The following HECTD4 variants were observed in gnomAD, a reference collection of about 807,000 sequenced individuals.
HECTD4 encodes probable E3 ubiquitin-protein ligase HECTD4.
HECTD4 carries 114 observed loss-of-function variants against 471.5 expected under a neutral mutation model. The ratio of observed to expected loss-of-function variants is 0.24; its 90% confidence interval spans 0.21 to 0.28. HECTD4 has a LOEUF of 0.28. Among genes scored for constraint, HECTD4 ranks in the 10% least tolerant of loss-of-function variants. HECTD4 has a pLI of 1.00. For missense variants in HECTD4, 3,866 were observed against 5,651.5 expected (o/e 0.68, Z 10.13); for synonymous variants, 2,012 against 2,256.0 (o/e 0.89, Z 3.07).
At chr12:112,329,568 A>G (rs375376942) in intron 1 of HECTD4, among the ~76,000 whole-genome samples, 2 of 152,080 alleles carry the variant, frequency 1.3e-5, no homozygotes, top group East Asian at 3.9e-4. Flanking sequence ...GGGTTTCGCC[A>G]TGATGGCCAG....
At chr12:112,222,622 G>A (rs747901898) in intron 44 of HECTD4, among the ~76,000 whole-genome samples, 7 of 152,248 alleles carry the variant, frequency 4.6e-5, no homozygotes, top group East Asian at 1.9e-4. Flanking sequence ...AGCTAAGATC[G>A]TGCCACCGCA....
chr12:112,309,457 T>C (rs1352114202), intron 5 of HECTD4, 104 bp downstream of exon 5: 2 of 553,584 alleles, frequency 3.6e-6, no homozygotes, highest in African/African-American at 3.9e-5. Flanking sequence ...ATTTAGTTAC[T>C]AGTCTATGGG....
chr12:112,362,053 C>T (rs2036460197), intron 1 of HECTD4, among the ~76,000 whole-genome samples: 1 of 152,134 alleles, frequency 6.6e-6, no homozygotes, highest in Non-Finnish European at 1.5e-5. Context: ...TATAGGTTCC[C>T]AATTACAATG....
At chr12:112,372,399 A>G (rs956169987) in intron 1 of HECTD4, among the ~76,000 whole-genome samples, 2 of 152,030 alleles carry the variant, frequency 1.3e-5, no homozygotes, top group Non-Finnish European at 2.9e-5. Context: ...AGCTGGGACT[A>G]CAGGTGCCCG....
At chr12:112,256,297 A>G (rs761737412) in intron 21 of HECTD4, 23 bp downstream of exon 21, 7 of 1,513,984 alleles carry the variant, frequency 4.6e-6, no homozygotes, top group Non-Finnish European at 6.2e-6. Context: ...GGTGGAACCA[A>G]TAGTAACCCA....
intron 10 of HECTD4, among the ~76,000 whole-genome samples, chr12:112,274,625 T>C (rs1409596980): frequency 2.6e-5 from 4 of 152,184 alleles, no homozygotes; most frequent in African/African-American, 9.7e-5. Flanking sequence ...GAGGACTGCT[T>C]GAGCCCAGGA....
intron 1 of HECTD4, among the ~76,000 whole-genome samples, chr12:112,371,685 G>T (rs1379264895): frequency 1.3e-5 from 2 of 151,650 alleles, no homozygotes; most frequent in African/African-American, 4.8e-5. Context: ...TCAGGAGTTC[G>T]AGACCAGCCT....
chr12:112,302,466 T>C, intron 7 of HECTD4: 1 of 749,480 alleles, frequency 1.3e-6, no homozygotes, highest in South Asian at 1.4e-5. Flanking sequence ...TTATAGAGGA[T>C]GGCTCTCTGC....
chr12:112,217,869 T>C (rs1240248896), intron 45 of HECTD4, among the ~76,000 whole-genome samples: 3 of 152,240 alleles, frequency 2.0e-5, no homozygotes, highest in Non-Finnish European at 4.4e-5. Flanking sequence ...TGGTGACACT[T>C]CCTTTTTCTT....
chr12:112,294,313 G>A (rs1248739744), intron 7 of HECTD4, among the ~76,000 whole-genome samples: 1 of 152,100 alleles, frequency 6.6e-6, no homozygotes, highest in East Asian at 1.9e-4. Context: ...TATTTAGAAA[G>A]CAAGATTAAT....
intron 29 of HECTD4, 74 bp from the exon 30 acceptor site, chr12:112,244,083 C>A: frequency 1.4e-6 from 2 of 1,466,710 alleles, no homozygotes; most frequent in South Asian, 1.2e-5. Flanking sequence ...CAGAACTACC[C>A]AACAGTCTAA....
chr12:112,247,608 T>C (rs2033790495), intron 27 of HECTD4, 58 bp from the exon 28 acceptor site: 2 of 737,564 alleles, frequency 2.7e-6, no homozygotes, highest in South Asian at 2.7e-5. Context: ...ACTATACATA[T>C]ATTAAAATGA....
intron 13 of HECTD4, among the ~76,000 whole-genome samples, chr12:112,269,181 G>T (rs1468687344): frequency 6.6e-6 from 1 of 152,114 alleles, no homozygotes; most frequent in Non-Finnish European, 1.5e-5. Flanking sequence ...CCCTGAAAAG[G>T]TTTTAAACAG....
chr12:112,208,893 C>CTTTTTTTT (rs756330403), intron 50 of HECTD4, among the ~76,000 whole-genome samples: 2 of 72,458 alleles, frequency 2.8e-5, no homozygotes, highest in Non-Finnish European at 5.1e-5. Flanking sequence ...ACTAAACAGG[C>CTTTTTTTT]TTTTTTTTTT....
At chr12:112,345,761 G>A (rs889601468) in intron 1 of HECTD4, among the ~76,000 whole-genome samples, 1 of 152,162 alleles carries the variant, frequency 6.6e-6, no homozygotes, top group African/African-American at 2.4e-5. Context: ...CGGGCATGGT[G>A]GCGGGCACCT....
intron 44 of HECTD4, 74 bp from the exon 45 acceptor site, chr12:112,219,563 A>G (rs954246816): frequency 1.4e-5 from 15 of 1,039,484 alleles, no homozygotes; most frequent in Admixed American, 6.2e-5. Flanking sequence ...CTTTTGGAGC[A>G]GCATCAAAAC....
At chr12:112,360,612 T>C (rs371943111) in intron 1 of HECTD4, among the ~76,000 whole-genome samples, 32 of 152,336 alleles carry the variant, frequency 2.1e-4, no homozygotes, top group African/African-American at 7.5e-4. Flanking sequence ...AAAAATGTTT[T>C]AAATTCAATC....
At chr12:112,258,661 C>CCAAA (rs1430792602) in intron 19 of HECTD4, 65 bp from the exon 20 acceptor site, 1 of 1,303,028 alleles carries the variant, frequency 7.7e-7, no homozygotes, top group Non-Finnish European at 1.1e-6. Context: ...GGTATGACAG[C>CCAAA]CAAACTTAGA....
At chr12:112,287,765 A>T (rs1488161963) in intron 7 of HECTD4, among the ~76,000 whole-genome samples, 2 of 152,002 alleles carry the variant, frequency 1.3e-5, no homozygotes, top group Non-Finnish European at 2.9e-5. Flanking sequence ...TAAAAAAAAG[A>T]AAAAAAGAGT....
Sources: allele counts gnomAD v4.1 joint callset (sites outside exome capture counted in the v4.1 genomes callset), GRCh38; gene constraint gnomAD v4.1.1; transcripts MANE v1.5; gene names NCBI Gene and HGNC (gene_info 2026-07-23, HGNC 2026-07-21).